The following OCM2 variants were observed in gnomAD, a reference collection of about 807,000 sequenced individuals.
The protein encoded by OCM2 is oncomodulin-2.
Under a neutral mutation model 13.6 loss-of-function variants are expected in OCM2, and 6 were observed. The ratio of observed to expected loss-of-function variants is 0.44; its 90% CI spans 0.24 to 0.87. OCM2 has a LOEUF of 0.87. Ranked by LOEUF, OCM2 falls within the 40% of genes least tolerant of loss-of-function variation. The pLI is 0.22. For synonymous variants in OCM2, 40 were observed against 50.7 expected, an observed-to-expected ratio of 0.79 and a Z score of 0.90; for missense variants, 118 against 136.8, an observed-to-expected ratio of 0.86 and a Z score of 0.68.
rs1243217448 is a variant in OCM2 at position 97,987,220 on chromosome 7, T to C, written c.195-64A>G. 1.9e-5 allele frequency: 30 copies of C among 1,591,322 alleles called. No individual in the cohort carries two copies. The East Asian group carries it at 6.3e-4, about 33-fold the overall frequency. Reference sequence around the variant, plus strand: ...GTCGTGCATCCCTGTGTTTAGACTTTTGTTTTTCCTTTAAGCATATCATCT... The same window carrying C: ...GTCGTGCATCCCTGTGTTTAGACTTCTGTTTTTCCTTTAAGCATATCATCT... On this transcript the variant is annotated intron_variant, in intron 2 of 3. Transcript: ENST00000257627.
intron 3 of OCM2, 38 bp downstream of exon 3, chr7:97,987,009 G>C: frequency 6.2e-7 from 1 of 1,609,534 alleles, no homozygotes; most frequent in Non-Finnish European, 8.5e-7. Flanking sequence ...TGCTTCCTGA[G>C]CTAGAGTGTT....
At chr7:97,987,243 T>C (rs111423390) in intron 2 of OCM2, 87 bp from the exon 3 acceptor site, 2 of 1,507,636 alleles carry the variant, frequency 1.3e-6, no homozygotes, top group African/African-American at 2.7e-5. Context: ...AAGCATATCA[T>C]CTGTTTCCAG....
At chr7:97,990,016 T>TC in intron 1 of OCM2, 28 bp downstream of exon 1, 3 of 1,083,838 alleles carry the variant, frequency 2.8e-6, no homozygotes, top group Non-Finnish European at 4.2e-6. Flanking sequence ...TGTGAGGAAA[T>TC]CCCACCCCCG....
intron 2 of OCM2, 117 bp downstream of exon 2, chr7:97,988,299 G>T: frequency 1.5e-6 from 2 of 1,297,892 alleles, no homozygotes; most frequent in Non-Finnish European, 2.1e-6. Context: ...ATGATGCTTG[G>T]CCGAATGACC....
At chr7:97,986,938 G>C (rs1411406562) in intron 3 of OCM2, 109 bp downstream of exon 3, 30 of 1,536,850 alleles carry the variant, frequency 2.0e-5, no homozygotes, top group Non-Finnish European at 2.6e-5. Context: ...GGCTCGGTAA[G>C]GTTAAGAAAG....
Position 97,988,511 on chromosome 7 carries a change from C to T in OCM2, c.99G>A (p.Thr33=), listed in dbSNP as rs13310238. Reference sequence around the variant, plus strand: ...TGGCTGACATCTTGGAGAGGCCTGACGTCTGGAAGAATTTTTGGGGTTCAA... The same window carrying T: ...TGGCTGACATCTTGGAGAGGCCTGATGTCTGGAAGAATTTTTGGGGTTCAA... The change falls in exon 2 of 4, where the codon ACG becomes ACA. Residue 33 remains threonine (T), a synonymous_variant. Coordinates refer to ENST00000257627, the Ensembl canonical transcript of OCM2. 75 of 1,614,132 alleles carry T rather than the reference C, an allele frequency of 4.6e-5. No homozygotes were observed. In the Admixed American group the frequency reaches 5.5e-4, roughly 12 times the overall value.
At chr7:97,984,743 G>A (rs1794653571) in exon 4 of OCM2, 2 of 557,324 alleles carry the variant, frequency 3.6e-6, no homozygotes, top group South Asian at 2.5e-5. Context: ...GGGGGAAGGG[G>A]GGCTTACAGA....
intron 1 of OCM2, 81 bp downstream of exon 1, chr7:97,989,963 G>T: frequency 1.4e-6 from 2 of 1,448,810 alleles, no homozygotes; most frequent in Non-Finnish European, 1.9e-6. Context: ...TGGCCGCCTG[G>T]CCTACATTTT....
chr7:97,990,016 TCCCAC>T, intron 1 of OCM2, 23 bp downstream of exon 1: 11 of 1,083,828 alleles, frequency 1.0e-5, no homozygotes, highest in African/African-American at 1.6e-5. Context: ...TGTGAGGAAA[TCCCAC>T]CCCCGCCCCA....
At position 97,990,192 on chromosome 7, in the gene OCM2, C is replaced by T; in HGVS notation, c.-88G>A. ...CAGGGGAAACACATCTTCCCAGGCC[C>T]ACTGAAACTGTATGTGTGTCTAGAT... is the stretch of plus-strand genomic sequence containing the variant. On this transcript the variant is annotated 5_prime_UTR_variant, in exon 1 of 4. Coordinates refer to ENST00000257627, the Ensembl canonical transcript of OCM2. 3.3e-6 allele frequency: 4 copies of T among 1,216,776 alleles called. No individual in the cohort carries two copies. In the South Asian group the frequency reaches 5.0e-5, roughly 15 times the overall value. The allele number at this position is 1,216,776 out of a possible 1,614,324, so 75.4% of individuals were successfully genotyped here.
Position 97,987,167 on chromosome 7 carries a change from A to G in OCM2, c.195-11T>C. On this transcript the variant is annotated splice_polypyrimidine_tract_variant and intron_variant, in intron 2 of 3. Transcript: ENST00000257627. ...TTCTGGAGGAAAAACCTACAGGATA[A>G]TAAAGATCCATGGGGATTTTCAAAA... 6.2e-7 allele frequency: 1 copy of G among 1,613,178 alleles called. No individual in the cohort carries two copies. The highest frequency in any genetic ancestry group is 1.7e-4 in the Middle Eastern group (1 of 6,060).
chr7:97,990,016 T>TGGCCC, intron 1 of OCM2, 28 bp downstream of exon 1: 11 of 1,083,824 alleles, frequency 1.0e-5, no homozygotes, highest in Non-Finnish European at 1.3e-5. Context: ...TGTGAGGAAA[T>TGGCCC]CCCACCCCCG....
exon 4 of OCM2, chr7:97,984,936 T>G (rs903651876): frequency 1.8e-5 from 29 of 1,610,192 alleles, no homozygotes; most frequent in Admixed American, 1.3e-4. Context: ...CCTTTCTCTC[T>G]TTTCTCCAGA....
Position 97,987,163 on chromosome 7 carries a change from G to A in OCM2, c.195-7C>T, listed in dbSNP as rs1163209734. ...AAACTTCTGGAGGAAAAACCTACAGGATAATAAAGATCCATGGGGATTTTC... is the reference window on the plus strand; with the variant it reads ...AAACTTCTGGAGGAAAAACCTACAGAATAATAAAGATCCATGGGGATTTTC... On this transcript the variant is annotated splice_polypyrimidine_tract_variant and splice_region_variant and intron_variant, in intron 2 of 3. Coordinates refer to ENST00000257627, the Ensembl canonical transcript of OCM2. 1 of 1,612,920 alleles carries A rather than the reference G, an allele frequency of 6.2e-7. No homozygotes were observed. Among genetic ancestry groups the A allele is most frequent in the Non-Finnish European group, 8.5e-7 (1 of 1,179,180 alleles).
intron 3 of OCM2, among the ~76,000 whole-genome samples, chr7:97,986,006 A>G (rs888070281): frequency 6.6e-6 from 1 of 151,908 alleles, no homozygotes; most frequent in Non-Finnish European, 1.5e-5. Context: ...TCTGCCTCCC[A>G]GGTTCAAGTG....
intron 3 of OCM2, among the ~76,000 whole-genome samples, chr7:97,986,125 C>T (rs1584169522): frequency 1.3e-5 from 2 of 152,204 alleles, no homozygotes; most frequent in African/African-American, 2.4e-5. Flanking sequence ...GTTGGTCAGT[C>T]TAGTCTTGAA....
At chr7:97,989,038 C>A (rs1794702723) in intron 1 of OCM2, among the ~76,000 whole-genome samples, 1 of 150,160 alleles carries the variant, frequency 6.7e-6, no homozygotes, top group South Asian at 2.1e-4. Flanking sequence ...TCAACTGATT[C>A]TCCTGCCTCA....
At chr7:97,984,896 A>C (rs1183156596) in exon 4 of OCM2, 25 of 1,489,482 alleles carry the variant, frequency 1.7e-5, no homozygotes, top group Non-Finnish European at 2.3e-5. Flanking sequence ...CCCCATTCCC[A>C]GGGCTTTGGA....
At chr7:97,986,627 G>C (rs1471169718) in intron 3 of OCM2, among the ~76,000 whole-genome samples, 3 of 151,924 alleles carry the variant, frequency 2.0e-5, no homozygotes, top group Non-Finnish European at 4.4e-5. Flanking sequence ...AAGATGAAGA[G>C]GCCTTCCTAC....
Sources: allele counts gnomAD v4.1 joint callset (sites outside exome capture counted in the v4.1 genomes callset), GRCh38; gene constraint gnomAD v4.1.1; transcripts MANE v1.5; gene names NCBI Gene and HGNC (gene_info 2026-07-23, HGNC 2026-07-21).